The following RANBP2 variants were observed in gnomAD, a reference collection of about 807,000 sequenced individuals.
RANBP2 encodes the protein RAN binding protein 2, also known as E3 SUMO-protein ligase RanBP2.
Under a neutral mutation model 303.6 loss-of-function variants are expected in RANBP2, and 57 were observed. That is an observed-to-expected ratio of 0.19 (90% CI 0.15 to 0.23). The LOEUF is 0.23. RANBP2 is among the 10% of genes least tolerant of loss of function. The probability of loss-of-function intolerance (pLI) is 1.00; values close to 1 mark genes in which losing one functional copy is unlikely to be tolerated. For missense variants in RANBP2, 3,138 were observed against 3,780.8 expected (o/e 0.83, Z 4.46); for synonymous variants, 1,167 against 1,301.5 (o/e 0.90, Z 2.23).
At chr2:108,926,821 C>T in the RANBP2 span, among the ~76,000 whole-genome samples, 10 of 152,212 alleles carry the variant, frequency 6.6e-5, no homozygotes, top group South Asian at 2.1e-4. Context: ...CAAGGCAATC[C>T]GCATCCACAG....
chr2:109,211,701 A>G, the RANBP2 span, among the ~76,000 whole-genome samples: 34 of 150,246 alleles, frequency 2.3e-4, no homozygotes, highest in East Asian at 5.2e-3. Context: ...GTGGAGTGCA[A>G]TGGTGCAATC....
At chr2:109,324,263 G>A in the RANBP2 span, among the ~76,000 whole-genome samples, 2 of 152,174 alleles carry the variant, frequency 1.3e-5, no homozygotes, top group Non-Finnish European at 2.9e-5. Flanking sequence ...GTAGTGCCCT[G>A]TGACTATTGA....
the RANBP2 span, among the ~76,000 whole-genome samples, chr2:109,177,587 G>A: frequency 5.8e-3 from 886 of 152,196 alleles, 5 homozygotes; most frequent in Non-Finnish European, 9.3e-3. Flanking sequence ...AGTATCAGTG[G>A]TCCAGAGAAA....
the RANBP2 span, among the ~76,000 whole-genome samples, chr2:109,266,444 C>T: frequency 3.3e-5 from 5 of 152,312 alleles, no homozygotes; most frequent in South Asian, 1.0e-3. Context: ...GAGGACTTGA[C>T]AAGGGACACC....
At chr2:108,761,981 T>C in intron 18 of RANBP2, 120 bp from the exon 19 acceptor site, 1 of 1,288,578 alleles carries the variant, frequency 7.8e-7, no homozygotes, top group Non-Finnish European at 1.1e-6. Flanking sequence ...ATTTAAAATT[T>C]ATGTAGTTAA....
the RANBP2 span, among the ~76,000 whole-genome samples, chr2:109,090,524 C>T: frequency 5.9e-5 from 9 of 152,130 alleles, no homozygotes; most frequent in Non-Finnish European, 1.2e-4. Flanking sequence ...TGACGAGCAT[C>T]GAGACCCTAG....
chr2:108,997,258 G>A, the RANBP2 span, among the ~76,000 whole-genome samples: 5 of 151,822 alleles, frequency 3.3e-5, no homozygotes, highest in Non-Finnish European at 7.4e-5. Flanking sequence ...TGGCTAACAC[G>A]GTGAAACCCC....
At chr2:109,545,584 A>C in the RANBP2 span, 1 of 1,534,190 alleles carries the variant, frequency 6.5e-7, no homozygotes, top group East Asian at 2.4e-5. Flanking sequence ...TATCAGTAGA[A>C]TTTGTTCTAA....
the RANBP2 span, among the ~76,000 whole-genome samples, chr2:109,687,168 C>T: frequency 5.9e-5 from 9 of 152,126 alleles, no homozygotes; most frequent in African/African-American, 1.2e-4. Context: ...TGAGCAGAGA[C>T]ATCTGGGTCT....
the RANBP2 span, among the ~76,000 whole-genome samples, chr2:109,684,790 C>T: frequency 2.6e-5 from 4 of 151,858 alleles, no homozygotes; most frequent in Admixed American, 6.6e-5. Context: ...CCGCCTCGGC[C>T]TCCCTAAGTG....
the RANBP2 span, among the ~76,000 whole-genome samples, chr2:109,707,718 G>C: frequency 6.6e-6 from 1 of 152,314 alleles, no homozygotes. Flanking sequence ...TCGATAGTTT[G>C]AATAGCCCTC....
At chr2:109,689,645 G>A in the RANBP2 span, among the ~76,000 whole-genome samples, 3 of 152,058 alleles carry the variant, frequency 2.0e-5, no homozygotes, top group African/African-American at 2.4e-5. Context: ...TTTTTTTCCC[G>A]CTACATTCTG....
the RANBP2 span, among the ~76,000 whole-genome samples, chr2:109,599,581 C>T: frequency 6.6e-6 from 1 of 152,074 alleles, no homozygotes; most frequent in Admixed American, 6.5e-5. Context: ...GTCAGTACAG[C>T]AAGGCTTAGG....
the RANBP2 span, among the ~76,000 whole-genome samples, chr2:108,995,126 G>A: frequency 3.9e-5 from 6 of 151,954 alleles, no homozygotes; most frequent in South Asian, 4.2e-4. Flanking sequence ...CACCGTGCCC[G>A]GCCGCATTGG....
the RANBP2 span, among the ~76,000 whole-genome samples, chr2:109,464,830 T>TC: frequency 6.6e-6 from 1 of 152,232 alleles, no homozygotes; most frequent in African/African-American, 2.4e-5. Context: ...TTACCCAATG[T>TC]CCATAGTTTA....
At chr2:109,164,576 T>C in the RANBP2 span, among the ~76,000 whole-genome samples, 1 of 152,196 alleles carries the variant, frequency 6.6e-6, no homozygotes, top group African/African-American at 2.4e-5. Context: ...ATTCAAACTT[T>C]CACCTTTTCT....
the RANBP2 span, among the ~76,000 whole-genome samples, chr2:109,378,521 C>T: frequency 7.2e-5 from 11 of 152,234 alleles, no homozygotes; most frequent in South Asian, 2.3e-3. Context: ...TCTTTGCATG[C>T]CTGGTAATTT....
chr2:109,468,873 A>G, the RANBP2 span, among the ~76,000 whole-genome samples: 1 of 151,046 alleles, frequency 6.6e-6, no homozygotes, highest in Admixed American at 6.6e-5. Flanking sequence ...AAAAAAAAAA[A>G]AAAGTTAAAT....
At chr2:109,113,201 T>C in the RANBP2 span, among the ~76,000 whole-genome samples, 1 of 152,328 alleles carries the variant, frequency 6.6e-6, no homozygotes, top group East Asian at 1.9e-4. Context: ...GGGGATGGCA[T>C]TGAATCTATA....
Sources: gnomAD v4.1 joint callset for allele counts (sites outside exome capture counted in the v4.1 genomes callset) on GRCh38, gnomAD v4.1.1 for gene constraint, MANE v1.5 for transcripts, NCBI Gene and HGNC (gene_info 2026-07-23, HGNC 2026-07-21) for gene names.